NXPH2: variants seen among roughly 807,000 people sequenced by gnomAD.
NXPH2 encodes neurexophilin 2.
A neutral mutation model predicts 19.8 loss-of-function variants in NXPH2; 5 were observed. That is an observed-to-expected ratio of 0.25 (90% confidence interval 0.13 to 0.53). The LOEUF is 0.53. Among genes scored for constraint, NXPH2 ranks in the 20% least tolerant of loss-of-function variants. The pLI is 0.96. For synonymous variants in NXPH2, 154 were observed against 127.4 expected (o/e 1.21, Z -1.41); for missense variants, 289 against 322.8 (o/e 0.90, Z 0.80).
At chr2:138,734,475 G>C (rs1163280988) in intron 1 of NXPH2, among the ~76,000 whole-genome samples, 1 of 152,190 alleles carries the variant, frequency 6.6e-6, no homozygotes, top group Non-Finnish European at 1.5e-5. Flanking sequence ...CAATGTGACA[G>C]GTGGTAGAAA....
intron 1 of NXPH2, among the ~76,000 whole-genome samples, chr2:138,728,126 G>C (rs1681386502): frequency 6.6e-6 from 1 of 151,190 alleles, no homozygotes. Flanking sequence ...GGTTAAATGA[G>C]GTCTTAAGAG....
intron 1 of NXPH2, among the ~76,000 whole-genome samples, chr2:138,779,567 T>C (rs1682317184): frequency 6.6e-6 from 1 of 151,854 alleles, no homozygotes; most frequent in Non-Finnish European, 1.5e-5. Context: ...TGCGCGGAGC[T>C]GGGCATGAAA....
At chr2:138,713,047 T>G (rs1681128737) in intron 1 of NXPH2, among the ~76,000 whole-genome samples, 2 of 152,196 alleles carry the variant, frequency 1.3e-5, no homozygotes, top group Admixed American at 1.3e-4. Flanking sequence ...TAAACTAAAT[T>G]AATTATCCAA....
Position 138,670,918 on chromosome 2 carries a change from A to G in NXPH2, c.*4T>C. On this transcript the variant is annotated 3_prime_UTR_variant, in exon 2 of 2. Transcript: ENST00000272641. The stretch of plus-strand genomic sequence containing the variant: ...TATCCCTCATTTCCACCACAGCAGG[A>G]AGATCAGCCAGAAGATAAGTATGGG... 1 of 1,608,856 alleles carries G rather than the reference A, an allele frequency of 6.2e-7. No individual in the cohort carries two copies. The highest frequency in any genetic ancestry group is 8.5e-7 in the Non-Finnish European group (1 of 1,176,496).
chr2:138,768,134 A>G (rs1445693778), intron 1 of NXPH2, among the ~76,000 whole-genome samples: 3 of 152,200 alleles, frequency 2.0e-5, no homozygotes, highest in African/African-American at 4.8e-5. Flanking sequence ...GAGAATACTA[A>G]TTGGGCATTT....
At chr2:138,766,087 T>C (rs1453944867) in intron 1 of NXPH2, among the ~76,000 whole-genome samples, 1 of 152,204 alleles carries the variant, frequency 6.6e-6, no homozygotes, top group East Asian at 1.9e-4. Context: ...GGAACATTCA[T>C]CATTTATTAC....
intron 1 of NXPH2, among the ~76,000 whole-genome samples, chr2:138,767,995 C>T (rs1469003649): frequency 6.6e-6 from 1 of 152,066 alleles, no homozygotes; most frequent in East Asian, 1.9e-4. Context: ...TTATTTTCAG[C>T]CTTCTCCTTA....
chr2:138,680,605 C>A (rs77801635), intron 1 of NXPH2, among the ~76,000 whole-genome samples: 3,728 of 152,124 alleles, frequency 0.025, 141 homozygotes, highest in African/African-American at 0.083. Context: ...TTCTCTCTCT[C>A]TCTATATATA....
At chr2:138,712,556 C>G (rs1681120541) in intron 1 of NXPH2, among the ~76,000 whole-genome samples, 1 of 152,184 alleles carries the variant, frequency 6.6e-6, no homozygotes, top group Non-Finnish European at 1.5e-5. Flanking sequence ...CTGCTTCCCC[C>G]AAATTCGGTG....
chr2:138,744,773 C>T (rs955272549), intron 1 of NXPH2, among the ~76,000 whole-genome samples: 2 of 152,172 alleles, frequency 1.3e-5, no homozygotes, highest in African/African-American at 2.4e-5. Flanking sequence ...CTTCCTGGCT[C>T]TAGCCCCACC....
chr2:138,678,061 C>T (rs1042336383), intron 1 of NXPH2, among the ~76,000 whole-genome samples: 2 of 152,216 alleles, frequency 1.3e-5, no homozygotes, highest in African/African-American at 4.8e-5. Context: ...CAGGATCCCA[C>T]ATTAAATTTG....
chr2:138,746,452 G>A lies in NXPH2; in HGVS notation c.51+33739C>T, dbSNP rs150421341. 1.8e-4 allele frequency among the ~76,000 whole-genome samples: 27 copies of A among 152,312 alleles called. No individual in the cohort carries two copies. The East Asian group carries it at 5.2e-3, about 29-fold the overall frequency. Reference sequence around the variant, plus strand: ...CCATGCTCCCTCGTGCCTGGCTCCAGCCAGACAGAGGATGAATGGTGACCT... The same window carrying A: ...CCATGCTCCCTCGTGCCTGGCTCCAACCAGACAGAGGATGAATGGTGACCT... On this transcript the variant is annotated intron_variant, in intron 1 of 1. Transcript: ENST00000272641.
At chr2:138,681,756 C>T (rs566971358) in intron 1 of NXPH2, among the ~76,000 whole-genome samples, 18 of 152,256 alleles carry the variant, frequency 1.2e-4, no homozygotes, top group Admixed American at 2.0e-4. Context: ...GCTGGCTTTT[C>T]GGTCTTGGAT....
intron 1 of NXPH2, among the ~76,000 whole-genome samples, chr2:138,673,839 C>T (rs1680448319): frequency 6.6e-6 from 1 of 151,890 alleles, no homozygotes; most frequent in Admixed American, 6.6e-5. Context: ...CTTCATTTCC[C>T]CCACCCCACC....
At chr2:138,733,540 CAT>C (rs989481294) in intron 1 of NXPH2, among the ~76,000 whole-genome samples, 1 of 152,126 alleles carries the variant, frequency 6.6e-6, no homozygotes, top group African/African-American at 2.4e-5. Flanking sequence ...AATGGAGAGA[CAT>C]GTGAAGTCTT....
At chr2:138,716,180 T>C (rs1029445613) in intron 1 of NXPH2, among the ~76,000 whole-genome samples, 6 of 152,224 alleles carry the variant, frequency 3.9e-5, no homozygotes, top group Non-Finnish European at 7.3e-5. Flanking sequence ...TTTTTTTAAA[T>C]AGCAACATTA....
At chr2:138,696,818 T>A (rs1299271929) in intron 1 of NXPH2, among the ~76,000 whole-genome samples, 5 of 152,328 alleles carry the variant, frequency 3.3e-5, no homozygotes, top group African/African-American at 1.2e-4. Context: ...ATAGCAGCTT[T>A]ATTTGTAATA....
intron 1 of NXPH2, among the ~76,000 whole-genome samples, chr2:138,737,906 C>A (rs930694772): frequency 6.6e-6 from 1 of 151,388 alleles, no homozygotes; most frequent in Non-Finnish European, 1.5e-5. Flanking sequence ...AAACAGAACA[C>A]CTTCATTTTC....
intron 1 of NXPH2, among the ~76,000 whole-genome samples, chr2:138,709,976 T>C (rs989998741): frequency 6.6e-6 from 1 of 152,252 alleles, no homozygotes. Flanking sequence ...TTCAGTGGCA[T>C]TACTTGTATT....
Sources: allele counts gnomAD v4.1 joint callset (sites outside exome capture counted in the v4.1 genomes callset), GRCh38; gene constraint gnomAD v4.1.1; transcripts MANE v1.5; gene names NCBI Gene and HGNC (gene_info 2026-07-23, HGNC 2026-07-21).